The following F10 variants were observed in gnomAD, a reference collection of about 807,000 sequenced individuals.
The protein encoded by F10 is coagulation factor X.
Under a neutral mutation model 37.1 loss-of-function variants are expected in F10, and 29 were observed. The observed-to-expected ratio is 0.78, with a 90% CI of 0.58 to 1.07. The LOEUF (loss-of-function observed/expected upper bound fraction) is 1.07. F10 is among the 50% of genes least tolerant of loss of function. The pLI is 0.00. For synonymous variants in F10, 262 were observed against 268.6 expected (o/e 0.98, Z 0.24); for missense variants, 539 against 667.9 (o/e 0.81, Z 2.13).
intron 2 of F10, among the ~76,000 whole-genome samples, chr13:113,133,132 T>G (rs993367294): frequency 3.3e-5 from 5 of 151,860 alleles, no homozygotes; most frequent in Non-Finnish European, 7.4e-5. Flanking sequence ...AATGCTCACA[T>G]GGGAAAAGAA....
intron 1 of F10, among the ~76,000 whole-genome samples, chr13:113,125,922 A>T (rs1595086258): frequency 6.6e-6 from 1 of 151,864 alleles, no homozygotes; most frequent in Non-Finnish European, 1.5e-5. Flanking sequence ...AAGGGGATGA[A>T]AGAGACACGA....
chr13:113,148,766 C>G, intron 7 of F10, 150 bp from the exon 8 acceptor site: 3 of 1,365,522 alleles, frequency 2.2e-6, no homozygotes, highest in Non-Finnish European at 3.0e-6. Flanking sequence ...TTATTTGCTG[C>G]TTTGCACTTC....
Position 113,146,363 on chromosome 13 carries a change from C to T in F10, c.748-1016C>T, listed in dbSNP as rs1445860355. Among the ~76,000 whole-genome samples, 2 of 152,110 alleles carry T rather than the reference C, an allele frequency of 1.3e-5. No homozygotes were observed. The highest frequency in any genetic ancestry group is 2.9e-5 in the Non-Finnish European group (2 of 68,008). ...CACCGAGGATGAGCAGGAAAAGCCT[C>T]TTGTGGGGCTGAGGAGCTGGACTTG... is the stretch of plus-strand genomic sequence containing the variant. On this transcript the variant is annotated intron_variant, in intron 6 of 7. Coordinates refer to ENST00000375559, the MANE Select transcript of F10 (RefSeq NM_000504.4). The surrounding 1 kb of genome is among the most constrained non-coding windows in gnomAD (Gnocchi z 4.5).
At position 113,144,309 on chromosome 13, in the gene F10, G is replaced by A. The variant is rs1216102387; in HGVS notation, c.747+214G>A. 1 of 678,944 alleles carries A rather than the reference G, an allele frequency of 1.5e-6. No individual in the cohort carries two copies. The highest frequency in any genetic ancestry group is 1.8e-5 in the African/African-American group (1 of 55,630). The allele number at this position is 678,944 out of a possible 1,614,324, so 42.1% of individuals were successfully genotyped here. A position where few individuals can be genotyped will look rare whatever the true frequency, so the allele number is the denominator to read the frequency against. ...TCCACAGGGAAGTGGCCGGGGCTGA[G>A]GGAGAGGCTGGGCCCAGGCAACGCC... is the stretch of plus-strand genomic sequence containing the variant. On this transcript the variant is annotated intron_variant, in intron 6 of 7. Transcript: ENST00000375559. This position sits in a 1 kb window ranked among gnomAD's most constrained non-coding sequence, Gnocchi z 6.4.
intron 5 of F10, among the ~76,000 whole-genome samples, chr13:113,142,344 A>G (rs370398105): frequency 6.6e-6 from 1 of 151,456 alleles, no homozygotes; most frequent in Non-Finnish European, 1.5e-5. Flanking sequence ...GATCGAGACC[A>G]TCCTGGCCAA....
At chr13:113,132,332 A>G (rs1426285746) in intron 2 of F10, among the ~76,000 whole-genome samples, 1 of 152,186 alleles carries the variant, frequency 6.6e-6, no homozygotes, top group Non-Finnish European at 1.5e-5. Context: ...TTTCTCAAAC[A>G]CTCTTCTTTA....
chr13:113,129,292 G>A (rs1205844833), intron 1 of F10, among the ~76,000 whole-genome samples, 160 bp from the exon 2 acceptor site: 3 of 152,214 alleles, frequency 2.0e-5, no homozygotes, highest in African/African-American at 7.2e-5. Context: ...GGTCCACTCA[G>A]TGAGTTGGGG....
chr13:113,147,722 C>A (rs552955853), intron 7 of F10, among the ~76,000 whole-genome samples: 2 of 152,238 alleles, frequency 1.3e-5, no homozygotes, highest in Non-Finnish European at 2.9e-5. Flanking sequence ...AGCCCTTCTC[C>A]CACTGGGTGT....
rs2036549669 is a variant in F10 at position 113,143,301 on chromosome 13, G to T, written c.503-550G>T. 6.6e-6 allele frequency among the ~76,000 whole-genome samples: 1 copy of T among 152,154 alleles called. No individual in the cohort carries two copies. The highest frequency in any genetic ancestry group is 1.9e-4 in the East Asian group (1 of 5,186). On this transcript the variant is annotated intron_variant, in intron 5 of 7. Coordinates refer to ENST00000375559, the MANE Select transcript of F10 (RefSeq NM_000504.4). This position sits in a 1 kb window ranked among gnomAD's most constrained non-coding sequence, Gnocchi z 6.8. The stretch of plus-strand genomic sequence containing the variant: ...TCTCGGCGTGGCCTCTCTGGGAGCT[G>T]TGCTATTCCAGACGCTCTCCTGTGC...
At position 113,143,807 on chromosome 13, in the gene F10, G is replaced by A. The variant is rs762559898; in HGVS notation, c.503-44G>A. 3.1e-6 allele frequency: 5 copies of A among 1,606,210 alleles called. No individual in the cohort carries two copies. Among genetic ancestry groups the A allele is most frequent in the East Asian group, 2.2e-5 (1 of 44,876 alleles). On this transcript the variant is annotated intron_variant, in intron 5 of 7. Transcript: ENST00000375559. This position sits in a 1 kb window ranked among gnomAD's most constrained non-coding sequence, Gnocchi z 6.8. Reference sequence around the variant, plus strand: ...GGGTGAGCTGTGCAGGCTATGGGGAGCCTCTCTCTGTGCTGAAGGCCCCGG... The same window carrying A: ...GGGTGAGCTGTGCAGGCTATGGGGAACCTCTCTCTGTGCTGAAGGCCCCGG...
At chr13:113,130,068 C>T in intron 2 of F10, 1 of 303,788 alleles carries the variant, frequency 3.3e-6, no homozygotes, top group Non-Finnish European at 6.4e-6. Flanking sequence ...GCACAACTGA[C>T]GCCAGGCCAC....
intron 2 of F10, chr13:113,131,301 A>G (rs568005849): frequency 6.6e-6 from 1 of 152,354 alleles, no homozygotes; most frequent in African/African-American, 2.4e-5. Flanking sequence ...GAATAAGAGA[A>G]TGTATTTGAT....
intron 6 of F10, among the ~76,000 whole-genome samples, chr13:113,145,310 G>A (rs2036572716): frequency 6.6e-6 from 1 of 152,212 alleles, no homozygotes; most frequent in African/African-American, 2.4e-5. Context: ...ACAGGTGTGA[G>A]CCACTATACC....
chr13:113,148,457 T>C (rs1357430351), intron 7 of F10, among the ~76,000 whole-genome samples: 1 of 151,392 alleles, frequency 6.6e-6, no homozygotes, highest in African/African-American at 2.4e-5. Context: ...ATTGAAAATA[T>C]TACTTTTTCC....
Position 113,143,714 on chromosome 13 carries a change from C to G in F10, c.503-137C>G, listed in dbSNP as rs2036553982. 1.2e-5 allele frequency: 16 copies of G among 1,337,578 alleles called. No homozygotes were observed. The highest frequency in any genetic ancestry group is 8.7e-5 in the Admixed American group (4 of 45,998). The allele number at this position is 1,337,578 out of a possible 1,614,324, so 82.9% of individuals were successfully genotyped here. A position where few individuals can be genotyped will look rare whatever the true frequency, so the allele number is the denominator to read the frequency against. On this transcript the variant is annotated intron_variant, in intron 5 of 7. Transcript: ENST00000375559. This position sits in a 1 kb window ranked among gnomAD's most constrained non-coding sequence, Gnocchi z 6.8. ...CCTGCCGACGACGTGGGGCCTCGCCCTGCAAGCCCGCTGCCCCTCCGGGTG... is the reference window on the plus strand; with the variant it reads ...CCTGCCGACGACGTGGGGCCTCGCCGTGCAAGCCCGCTGCCCCTCCGGGTG...
rs2036587734 is a variant in F10, at chr13:113,146,941, CGTGCA to C, written c.748-437_748-433del. ...GGAAGTCACCTGGGATGGAGGTGTC[CGTGCA>C]CCATGGGGGACAGGCTCACACTGCT... On this transcript the variant is annotated intron_variant, in intron 6 of 7. Transcript: ENST00000375559. The surrounding 1 kb of genome is among the most constrained non-coding windows in gnomAD (Gnocchi z 4.5). 1.3e-5 allele frequency among the ~76,000 whole-genome samples: 2 copies of C among 152,104 alleles called. No individual in the cohort carries two copies. Among genetic ancestry groups the C allele is most frequent in the Non-Finnish European group, 2.9e-5 (2 of 68,014 alleles).
At position 113,149,319 on chromosome 13, in the gene F10, C is replaced by T. The variant is rs373072191; in HGVS notation, c.1269C>T (p.His423=). 17 of 1,613,140 alleles carry T rather than the reference C, an allele frequency of 1.1e-5. No homozygotes were observed. In the Admixed American group the frequency reaches 1.3e-4, roughly 13 times the overall value. Residue 423 remains histidine, a synonymous_variant, in exon 8 of 8, where the codon CAC becomes CAT. Transcript: ENST00000375559. The surrounding 1 kb of genome is among the most constrained non-coding windows in gnomAD (Gnocchi z 7.5). Reference sequence around the variant, plus strand: ...GCCAGGGGGACAGCGGGGGCCCGCACGTCACCCGCTTCAAGGACACCTACT... The same window carrying T: ...GCCAGGGGGACAGCGGGGGCCCGCATGTCACCCGCTTCAAGGACACCTACT... ...DACQGDSGGP[H]VTRFKDTYFV...
At chr13:113,128,974 G>T in intron 1 of F10, 1 of 184,940 alleles carries the variant, frequency 5.4e-6, no homozygotes, top group East Asian at 1.5e-4. Flanking sequence ...ACAGAATGTG[G>T]ATTTCCCTGA....
At chr13:113,142,170 A>G (rs2036534590) in intron 5 of F10, among the ~76,000 whole-genome samples, 2 of 152,230 alleles carry the variant, frequency 1.3e-5, no homozygotes, top group South Asian at 4.1e-4. Flanking sequence ...AGCTGGTTAA[A>G]AAATATTTTA....
Sources: gnomAD v4.1 joint callset for allele counts (sites outside exome capture counted in the v4.1 genomes callset) on GRCh38, gnomAD v4.1.1 for gene constraint, Gnocchi (gnomAD v3.1) non-coding constraint, MANE v1.5 for transcripts, NCBI Gene and HGNC (gene_info 2026-07-23, HGNC 2026-07-21) for gene names.